The following MARK2 variants were observed in gnomAD, a reference collection of about 807,000 sequenced individuals.
MARK2 encodes serine/threonine-protein kinase MARK2.
Under a neutral mutation model 89.8 loss-of-function variants are expected in MARK2, and 16 were observed. The ratio of observed to expected loss-of-function variants is 0.18; its 90% CI spans 0.12 to 0.27. The LOEUF is 0.27. Ranked by LOEUF, MARK2 falls within the 10% of genes least tolerant of loss-of-function variation. The pLI is 1.00. For synonymous variants in MARK2, 382 were observed against 399.5 expected, an observed-to-expected ratio of 0.96 and a Z score of 0.52; for missense variants, 621 against 1,049.9, an observed-to-expected ratio of 0.59 and a Z score of 5.65.
rs1941008949 is a variant in MARK2 at position 63,902,806 on chromosome 11, C to G, written c.1416+24C>G. ...CGGTGAGCCGCACCCCCCGCTCTCT[C>G]CTTCCTTCCTGCGGTGGGGCCTGCC... On this transcript the variant is annotated intron_variant, in intron 13 of 18. Transcript: ENST00000402010. This position sits in a 1 kb window ranked among gnomAD's most constrained non-coding sequence, Gnocchi z 4.2. 6.3e-7 allele frequency: 1 copy of G among 1,588,960 alleles called. No individual in the cohort carries two copies. The highest frequency in any genetic ancestry group is 8.6e-7 in the Non-Finnish European group (1 of 1,160,458).
Position 63,906,156 on chromosome 11 carries a change from T to TGTC in MARK2, c.1961+42_1961+43insGTC. On this transcript the variant is annotated intron_variant, in intron 17 of 18. Transcript: ENST00000402010. ...CTGTGTGTGTGTGTGTGTGTGTGTG[T>TGTC]CTGTGTCCTGTGTCCTGCCTCCATC... 2.4e-6 allele frequency: 3 copies of TGTC among 1,275,626 alleles called. No homozygotes were observed. The South Asian group carries it at 9.4e-5, about 40-fold the overall frequency. The allele number at this position is 1,275,626 out of a possible 1,614,324, so 79.0% of individuals were successfully genotyped here.
At chr11:63,894,304 G>A (rs1940167787) in intron 1 of MARK2, among the ~76,000 whole-genome samples, 1 of 152,222 alleles carries the variant, frequency 6.6e-6, no homozygotes, top group Non-Finnish European at 1.5e-5. Flanking sequence ...GGCATTCGTA[G>A]TTCAGCGGCA....
intron 1 of MARK2, among the ~76,000 whole-genome samples, chr11:63,883,366 G>A (rs558954342): frequency 4.0e-4 from 61 of 152,226 alleles, no homozygotes; most frequent in South Asian, 1.2e-3. Context: ...ACTTTTCCTT[G>A]TTATAGAGGG....
At position 63,895,116 on chromosome 11, in the gene MARK2, TG is replaced by T. The variant is rs757968295; in HGVS notation, c.55-41del. 5.7e-6 allele frequency: 9 copies of T among 1,566,068 alleles called. No homozygotes were observed. In the South Asian group the frequency reaches 9.2e-5, roughly 16 times the overall value. On this transcript the variant is annotated intron_variant, in intron 1 of 18. Coordinates refer to ENST00000402010, the MANE Select transcript of MARK2 (RefSeq NM_001039469.3). ...ATTTTGCAGAGAGCGTTTAGAGGAC[TG>T]GAAGTGTGGCATGTAATGGTATCTC...
At position 63,903,182 on chromosome 11, in the gene MARK2, C is replaced by CCTCACTCCCTAGG; in HGVS notation, c.1514+25_1514+37dup. The stretch of plus-strand genomic sequence containing the variant: ...AGGTGAGAGACCCGGGCCCTGCCTG[C>CCTCACTCCCTAGG]CTCACTCCCTAGGAGCCATGTCTCA... On this transcript the variant is annotated intron_variant, in intron 14 of 18. Coordinates refer to ENST00000402010, the MANE Select transcript of MARK2 (RefSeq NM_001039469.3). The surrounding 1 kb of genome is among the most constrained non-coding windows in gnomAD (Gnocchi z 5.1). 6.4e-7 allele frequency: 1 copy of CCTCACTCCCTAGG among 1,556,042 alleles called. No homozygotes were observed. The highest frequency in any genetic ancestry group is 8.8e-7 in the Non-Finnish European group (1 of 1,130,430).
At chr11:63,856,781 T>TGG (rs2016881228) in intron 1 of MARK2, among the ~76,000 whole-genome samples, 2 of 12,756 alleles carry the variant, frequency 1.6e-4, no homozygotes, top group African/African-American at 1.1e-3. Flanking sequence ...TTTTTTTTTT[T>TGG]TTTTTTTTTT....
chr11:63,890,155 C>G, intron 1 of MARK2: 13 of 1,090,424 alleles, frequency 1.2e-5, no homozygotes, highest in Non-Finnish European at 1.5e-5. Flanking sequence ...GGCCTTGGCC[C>G]AAGAAGCATT....
chr11:63,879,527 T>G (rs1938969018), intron 1 of MARK2, among the ~76,000 whole-genome samples: 1 of 151,854 alleles, frequency 6.6e-6, no homozygotes, highest in Non-Finnish European at 1.5e-5. Context: ...CAGTAGCACC[T>G]GAAACAGGAT....
rs1941590579 is a variant in MARK2, at chr11:63,909,230, A to G, written c.2360A>G (p.Lys787Arg). 1 of 1,585,198 alleles carries G rather than the reference A, an allele frequency of 6.3e-7. No homozygotes were observed. The highest frequency in any genetic ancestry group is 8.6e-7 in the Non-Finnish European group (1 of 1,157,216). ...GCCTCCAAAATAGCCAACGAGCTGA[A>G]GCTTTAACAGGCTGCCAGGAGCGGG... ...NIASKIANEL[K>R]L is the part of the protein sequence containing the mutation. The change falls in exon 19 of 19, where the codon AAG becomes AGG. Residue 787 changes from lysine to arginine, a missense_variant. Lys to Arg is a conservative substitution (Grantham distance 26). Around this residue, in one of 5 missense-constraint regions of MARK2, gnomAD observed 33 missense variants for 74.5 expected, o/e 0.44. Transcript: ENST00000402010.
At position 63,902,391 on chromosome 11, in the gene MARK2, T is replaced by A. The variant is rs187755390; in HGVS notation, c.1234+61T>A. 6.2e-7 allele frequency: 1 copy of A among 1,600,752 alleles called. No homozygotes were observed. The highest frequency in any genetic ancestry group is 1.3e-5 in the African/African-American group (1 of 74,722). On this transcript the variant is annotated intron_variant, in intron 12 of 18. Transcript: ENST00000402010. The surrounding 1 kb of genome is among the most constrained non-coding windows in gnomAD (Gnocchi z 4.2). ...CCCTCTCCAGAGAGGTTACAGGTTCTGTGGGGACTTGGGTAACACAACTAA... is the reference window on the plus strand; with the variant it reads ...CCCTCTCCAGAGAGGTTACAGGTTCAGTGGGGACTTGGGTAACACAACTAA...
intron 1 of MARK2, among the ~76,000 whole-genome samples, chr11:63,889,369 C>A (rs1939644468): frequency 6.6e-6 from 1 of 152,252 alleles, no homozygotes. Flanking sequence ...ATCACCCCTC[C>A]TGGTTTGGCT....
rs1941149195 is a variant in MARK2 at position 63,904,334 on chromosome 11, C to T, written c.1676+187C>T. ...AAAGAGCATTAATGCCCCTCTTTTC[C>T]AGTTCTCCCTCTCAGAACAGGTATG... On this transcript the variant is annotated intron_variant, in intron 15 of 18. Transcript: ENST00000402010. This position sits in a 1 kb window ranked among gnomAD's most constrained non-coding sequence, Gnocchi z 6.3. 6.6e-6 allele frequency among the ~76,000 whole-genome samples: 1 copy of T among 152,176 alleles called. No individual in the cohort carries two copies. Among genetic ancestry groups the T allele is most frequent in the Non-Finnish European group, 1.5e-5 (1 of 68,016 alleles).
At chr11:63,870,585 G>A (rs1167717578) in intron 1 of MARK2, among the ~76,000 whole-genome samples, 9 of 152,148 alleles carry the variant, frequency 5.9e-5, no homozygotes, top group Non-Finnish European at 1.0e-4. Flanking sequence ...CTGAAGACAC[G>A]AAGTGATTTA....
In MARK2 at chr11:63,839,174, G is replaced by A. The variant is rs900596750; in HGVS notation, c.-333G>A. 2 of 206,018 alleles carry A rather than the reference G, an allele frequency of 9.7e-6. No individual in the cohort carries two copies. The highest frequency in any genetic ancestry group is 4.7e-5 in the African/African-American group (2 of 42,666). The allele number at this position is 206,018 out of a possible 1,614,324, so 12.8% of individuals were successfully genotyped here. A position where few individuals can be genotyped will look rare whatever the true frequency, so the allele number is the denominator to read the frequency against. ...GGCGGCTGCCTGTGTGCCGGGCGCG[G>A]AGCAGTGCCGCTGAGGGCAGGGGAG... On this transcript the variant is annotated 5_prime_UTR_variant, in exon 1 of 19. Coordinates refer to ENST00000402010, the MANE Select transcript of MARK2 (RefSeq NM_001039469.3).
At chr11:63,874,767 C>T (rs1244068067) in intron 1 of MARK2, among the ~76,000 whole-genome samples, 1 of 152,140 alleles carries the variant, frequency 6.6e-6, no homozygotes, top group Non-Finnish European at 1.5e-5. Flanking sequence ...TCTCTTTAAC[C>T]AGCATCAGCG....
chr11:63,852,225 T>C (rs1207274620), intron 1 of MARK2, among the ~76,000 whole-genome samples: 4 of 152,252 alleles, frequency 2.6e-5, no homozygotes, highest in Non-Finnish European at 5.9e-5. Context: ...GGTAAAAATA[T>C]GGAAGTTTTC....
At chr11:63,892,478 T>G (rs2135317870) in intron 1 of MARK2, among the ~76,000 whole-genome samples, 1 of 152,258 alleles carries the variant, frequency 6.6e-6, no homozygotes, top group Non-Finnish European at 1.5e-5. Context: ...TCTTTTTTTC[T>G]CTGTGGTTTT....
intron 1 of MARK2, among the ~76,000 whole-genome samples, chr11:63,881,599 A>G (rs905015072): frequency 5.9e-5 from 9 of 152,144 alleles, no homozygotes; most frequent in Admixed American, 2.0e-4. Context: ...TGAGGGAGAT[A>G]CTGGCTCTCA....
At chr11:63,851,157 T>C (rs754129240) in intron 1 of MARK2, among the ~76,000 whole-genome samples, 6 of 152,244 alleles carry the variant, frequency 3.9e-5, no homozygotes, top group Non-Finnish European at 5.9e-5. Flanking sequence ...TTTGCGGACT[T>C]TGAATCTTGA....
Sources: allele counts gnomAD v4.1 joint callset (sites outside exome capture counted in the v4.1 genomes callset), GRCh38; gene constraint gnomAD v4.1.1; regional missense constraint gnomAD v4.1.1; non-coding constraint Gnocchi (gnomAD v3.1); transcripts MANE v1.5; gene names NCBI Gene and HGNC (gene_info 2026-07-23, HGNC 2026-07-21).